Variants in CFAP74 observed in about 807,000 individuals in gnomAD.
The protein encoded by CFAP74 is cilia and flagella associated protein 74.
Under a neutral mutation model 188.9 loss-of-function variants are expected in CFAP74, and 124 were observed. That is an observed-to-expected ratio of 0.66 (90% CI 0.57 to 0.76). The LOEUF (loss-of-function observed/expected upper bound fraction) is 0.76, where lower values mean the gene tolerates loss of function less well. Ranked by LOEUF, CFAP74 falls within the 30% of genes least tolerant of loss-of-function variation. The probability of loss-of-function intolerance (pLI) is 0.00; values close to 1 mark genes in which losing one functional copy is unlikely to be tolerated. For missense variants in CFAP74, 2,198 were observed against 2,165.2 expected (o/e 1.02, Z -0.30); for synonymous variants, 956 against 916.7 (o/e 1.04, Z -0.77).
intron 38 of CFAP74, 45 bp from the exon 39 acceptor site, chr1:1,922,433 A>G (rs778010363): frequency 5.7e-6 from 9 of 1,571,938 alleles, no homozygotes; most frequent in Non-Finnish European, 6.9e-6. Flanking sequence ...GTCAGTGGGC[A>G]CCCAGAGGAG....
chr1:1,971,056 TGCTCACACAC>T (rs1352353606), intron 9 of CFAP74, among the ~76,000 whole-genome samples: 2 of 129,898 alleles, frequency 1.5e-5, no homozygotes, highest in Non-Finnish European at 3.1e-5. Context: ...TGCACACACA[TGCTCACACAC>T]GCACACCTGC....
intron 28 of CFAP74, chr1:1,927,291 T>G (rs1241111084): frequency 1.7e-6 from 1 of 580,716 alleles, no homozygotes. Flanking sequence ...AGAGCCATGT[T>G]CCTTCCCGGG....
chr1:1,957,764 TGCGGGGGG>T (rs1029314498), intron 16 of CFAP74, among the ~76,000 whole-genome samples: 1 of 140,968 alleles, frequency 7.1e-6, no homozygotes, highest in Non-Finnish European at 1.5e-5. Flanking sequence ...CCTGGCTGTC[TGCGGGGGG>T]GCGGGGGACT....
In CFAP74 at chr1:1,964,880, G is replaced by A. The variant is rs200476220; in HGVS notation, c.1575+8C>T. 615 of 1,613,382 alleles carry A rather than the reference G, an allele frequency of 3.8e-4. No individual in the cohort carries two copies. Among genetic ancestry groups the A allele is most frequent in the Middle Eastern group, 1.7e-3 (10 of 6,022 alleles). On this transcript the variant is annotated splice_region_variant and intron_variant, in intron 13 of 38. Coordinates refer to ENST00000682832, the MANE Select transcript of CFAP74 (RefSeq NM_001304360.2). ...CCCGTCCCGTTCCTGGCCCAGCTGC[G>A]GGCTCACCTGGAAGTGGAGGAGCTC...
At chr1:1,969,063 G>C (rs965155651) in intron 10 of CFAP74, among the ~76,000 whole-genome samples, 10 of 152,252 alleles carry the variant, frequency 6.6e-5, no homozygotes, top group South Asian at 2.1e-4. Context: ...GGAGCTAAAC[G>C]CAAGCTCCAG....
intron 1 of CFAP74, among the ~76,000 whole-genome samples, chr1:1,993,436 C>T (rs1657713609): frequency 6.6e-6 from 1 of 151,526 alleles, no homozygotes; most frequent in Non-Finnish European, 1.5e-5. Context: ...CAGGCACGCA[C>T]CACCACACCC....
In CFAP74 at chr1:1,956,585, C is replaced by G. The variant is rs79784725; in HGVS notation, c.2016+35G>C. 1.4e-3 allele frequency: 2,190 copies of G among 1,612,486 alleles called. 36 individuals are homozygous for G. In the African/African-American group the frequency reaches 0.026, roughly 19 times the overall value. ...ATGGGACTGGATTTGGGGGGCAGGT[C>G]CCCACACTCCCCCATGGCTGAGTGG... On this transcript the variant is annotated intron_variant, in intron 17 of 38. Transcript: ENST00000682832.
At position 1,927,245 on chromosome 1, in the gene CFAP74, T is replaced by C. The variant is rs1337455621; in HGVS notation, c.3528-217A>G. ...TCCTCGTCAGCTGGTGGCTGGAGGC[T>C]AGGGGTTGGGGCAGGTGCCTTTGGC... On this transcript the variant is annotated intron_variant, in intron 28 of 38. Coordinates refer to ENST00000682832, the MANE Select transcript of CFAP74 (RefSeq NM_001304360.2). The C allele has an allele frequency of 8.9e-5, 55 of 617,236 alleles. 1 individual carries two copies. The South Asian group carries it at 1.1e-3, about 12-fold the overall frequency. The allele number at this position is 617,236 out of a possible 1,614,324, so 38.2% of individuals were successfully genotyped here.
chr1:1,945,974 G>A (rs944988899), intron 20 of CFAP74, among the ~76,000 whole-genome samples: 1 of 110,630 alleles, frequency 9.0e-6, no homozygotes, highest in African/African-American at 2.8e-5. Flanking sequence ...GTTTGTGCGT[G>A]TGGGGGGGGC....
At chr1:1,993,413 G>T (rs1657712376) in intron 1 of CFAP74, among the ~76,000 whole-genome samples, 1 of 151,432 alleles carries the variant, frequency 6.6e-6, no homozygotes, top group African/African-American at 2.4e-5. Context: ...GCCTCCCAAA[G>T]GAGCTGGGAC....
chr1:1,979,795 G>A lies in CFAP74; in HGVS notation c.500+5591C>T, dbSNP rs1331290187. 3.5e-5 allele frequency among the ~76,000 whole-genome samples: 4 copies of A among 114,756 alleles called. 1 individual carries two copies. Among genetic ancestry groups the A allele is most frequent in the African/African-American group, 1.3e-4 (4 of 29,828 alleles). 75.3% of individuals were successfully genotyped at this position (114,756 alleles called of 152,430 possible). Reference sequence around the variant, plus strand: ...GGTACTGACCTGGGTGTGGGAAGGCGTCACATGACGAAGCTGCGCAGAACA... The same window carrying A: ...GGTACTGACCTGGGTGTGGGAAGGCATCACATGACGAAGCTGCGCAGAACA... On this transcript the variant is annotated intron_variant, in intron 6 of 38. Coordinates refer to ENST00000682832, the MANE Select transcript of CFAP74 (RefSeq NM_001304360.2).
intron 16 of CFAP74, among the ~76,000 whole-genome samples, 165 bp from the exon 17 acceptor site, chr1:1,956,949 C>T (rs1270053655): frequency 6.6e-6 from 1 of 152,258 alleles, no homozygotes; most frequent in Non-Finnish European, 1.5e-5. Context: ...GTGTGTATTG[C>T]TCATGACAAG....
chr1:1,960,867 G>A (rs779206862), intron 14 of CFAP74, among the ~76,000 whole-genome samples: 3 of 152,200 alleles, frequency 2.0e-5, no homozygotes, highest in Non-Finnish European at 2.9e-5. Flanking sequence ...GTGCAGGGCC[G>A]AGCTCCAAAC....
intron 18 of CFAP74, chr1:1,955,387 G>C: frequency 3.6e-6 from 5 of 1,383,666 alleles, no homozygotes; most frequent in Non-Finnish European, 4.8e-6. Flanking sequence ...GGCCCCTCCA[G>C]GGGGCACCGC....
In CFAP74 at chr1:1,985,408, C is replaced by G; in HGVS notation, c.478G>C (p.Glu160Gln). 6.2e-7 allele frequency: 1 copy of G among 1,614,076 alleles called. No homozygotes were observed. Among genetic ancestry groups the G allele is most frequent in the Non-Finnish European group, 8.5e-7 (1 of 1,180,004 alleles). ...CACTCGCTCTCCTTCAGCACGGCCT[C>G]AGTCCTCGACTGCAGGTCTCTCTCG... is the stretch of plus-strand genomic sequence containing the variant. ...ENERDLQSRT[E>Q]AVLKESENTM... Residue 160 changes from glutamate (E) to glutamine (Q), a missense_variant, in exon 6 of 39, where the codon GAG becomes CAG. By Grantham distance (29) the Glu-to-Gln change is conservative (BLOSUM62 2). Transcript: ENST00000682832.
chr1:1,994,111 G>A (rs542720549), intron 1 of CFAP74, among the ~76,000 whole-genome samples: 33 of 151,388 alleles, frequency 2.2e-4, no homozygotes, highest in Non-Finnish European at 4.4e-4. Flanking sequence ...GCTGCCGTGA[G>A]CTGTGATTGT....
Position 1,926,424 on chromosome 1 carries a change from C to G in CFAP74, c.3828+33G>C, listed in dbSNP as rs779070343. 45 of 1,550,262 alleles carry G rather than the reference C, an allele frequency of 2.9e-5. No individual in the cohort carries two copies. In the East Asian group the frequency reaches 1.1e-3, roughly 38 times the overall value. On this transcript the variant is annotated intron_variant, in intron 31 of 38. Transcript: ENST00000682832. The stretch of plus-strand genomic sequence containing the variant: ...CCCTCCCCGGTCCCCGCTCCCACCC[C>G]GCAGGCCGCCTGAGCTGGGTGGACA...
rs368644800 is a variant in CFAP74, at chr1:1,970,789, C to A, written c.916G>T (p.Asp306Tyr). 6.2e-7 allele frequency: 1 copy of A among 1,614,182 alleles called. No homozygotes were observed. The highest frequency in any genetic ancestry group is 1.1e-5 in the South Asian group (1 of 91,090). Residue 306 changes from aspartate to tyrosine, a missense_variant, in exon 10 of 39, where the codon GAC becomes TAC. Physicochemically the swap from Asp to Tyr is radical, Grantham distance 160. Transcript: ENST00000682832. ...TCCGCCAGCTCTGCCTTGGCACGGT[C>A]CCATGCTTGGAACTTCCGCAGTGTG... ...RDTLRKFQAW[D>Y]RAKAELAEQR...
chr1:1,980,420 C>T (rs148155434), intron 6 of CFAP74, among the ~76,000 whole-genome samples: 2 of 70,900 alleles, frequency 2.8e-5, no homozygotes, highest in Admixed American at 1.2e-4. Context: ...TCGCAGTGGG[C>T]GCCCTCTTAC....
Sources: allele counts gnomAD v4.1 joint callset (sites outside exome capture counted in the v4.1 genomes callset), GRCh38; gene constraint gnomAD v4.1.1; transcripts MANE v1.5; gene names NCBI Gene and HGNC (gene_info 2026-07-23, HGNC 2026-07-21).